Variants in NTRK3 observed in about 807,000 individuals in gnomAD.
NTRK3 encodes the protein neurotrophic receptor tyrosine kinase 3.
NTRK3 carries 24 observed loss-of-function variants against 91.7 expected under a neutral mutation model. The observed-to-expected ratio is 0.26, with a 90% CI of 0.19 to 0.37. The LOEUF (loss-of-function observed/expected upper bound fraction) is 0.37, where lower values mean the gene tolerates loss of function less well. Among genes scored for constraint, NTRK3 ranks in the 10% least tolerant of loss-of-function variants. The pLI is 1.00. For synonymous variants in NTRK3, 483 were observed against 404.0 expected (o/e 1.20, Z -2.34); for missense variants, 880 against 1,068.9 (o/e 0.82, Z 2.46).
intron 14 of NTRK3, among the ~76,000 whole-genome samples, chr15:87,989,513 G>A (rs186651268): frequency 2.6e-5 from 4 of 152,270 alleles, no homozygotes; most frequent in Admixed American, 2.6e-4. Flanking sequence ...TGGAGTTGGG[G>A]GAGGGGGAGG....
exon 5 of NTRK3, chr15:88,183,477 G>A (rs2151613619): frequency 1.2e-6 from 2 of 1,614,166 alleles, no homozygotes; most frequent in East Asian, 2.2e-5. Flanking sequence ...GAAGTCCTGA[G>A]TTCTTGATGG....
At chr15:88,218,958 G>A (rs1414652130) in intron 3 of NTRK3, among the ~76,000 whole-genome samples, 1 of 152,206 alleles carries the variant, frequency 6.6e-6, no homozygotes, top group Non-Finnish European at 1.5e-5. Context: ...GTACTGGAGG[G>A]GGCATGGCAT....
intron 5 of NTRK3, among the ~76,000 whole-genome samples, chr15:88,172,839 C>T (rs995665438): frequency 6.6e-6 from 1 of 152,046 alleles, no homozygotes; most frequent in African/African-American, 2.4e-5. Context: ...CACAAGCAGA[C>T]AAGAAAAAGG....
intron 13 of NTRK3, among the ~76,000 whole-genome samples, chr15:88,084,825 G>C (rs2048355985): frequency 6.6e-6 from 1 of 152,162 alleles, no homozygotes; most frequent in African/African-American, 2.4e-5. Flanking sequence ...AGCTGAGCAG[G>C]ACACACTGAG....
intron 5 of NTRK3, among the ~76,000 whole-genome samples, chr15:88,161,226 T>A (rs1241957870): frequency 6.6e-6 from 1 of 152,184 alleles, no homozygotes; most frequent in Non-Finnish European, 1.5e-5. Flanking sequence ...GCTACTATCA[T>A]CATTATCATC....
chr15:87,868,344 A>T lies in NTRK3; in HGVS notation c.*8591T>A, dbSNP rs187362005. 7.8e-4 allele frequency: 178 copies of T among 226,982 alleles called. 1 individual carries two copies. Among genetic ancestry groups the T allele is most frequent in the African/African-American group, 3.8e-3 (170 of 45,170 alleles). The allele number at this position is 226,982 out of a possible 1,614,324, so 14.1% of individuals were successfully genotyped here. A position where few individuals can be genotyped will look rare whatever the true frequency, so the allele number is the denominator to read the frequency against. ...TTTTTACCTTTTTCAGCCCAGAAAG[A>T]TATCTTTCCAATTCATAAACACAGT... is the stretch of plus-strand genomic sequence containing the variant. On this transcript the variant is annotated 3_prime_UTR_variant, in exon 19 of 19. Coordinates refer to ENST00000394480, the Ensembl canonical transcript of NTRK3.
chr15:88,201,263 C>A (rs2048282477), intron 3 of NTRK3, among the ~76,000 whole-genome samples: 1 of 152,242 alleles, frequency 6.6e-6, no homozygotes, highest in East Asian at 1.9e-4. Flanking sequence ...CCTGAGCCCA[C>A]CTATTGATAG....
At chr15:88,249,663 T>A (rs1598177310) in intron 3 of NTRK3, among the ~76,000 whole-genome samples, 1 of 152,242 alleles carries the variant, frequency 6.6e-6, no homozygotes, top group African/African-American at 2.4e-5. Context: ...CCTTGGGGGT[T>A]CTCAGGACTC....
intron 17 of NTRK3, among the ~76,000 whole-genome samples, chr15:87,919,252 A>G (rs2067676364): frequency 6.6e-6 from 1 of 152,182 alleles, no homozygotes; most frequent in South Asian, 2.1e-4. Context: ...CTACTCCTGC[A>G]TTCTAGTTCC....
chr15:87,910,437 G>A (rs2067019705), intron 17 of NTRK3, among the ~76,000 whole-genome samples: 1 of 152,196 alleles, frequency 6.6e-6, no homozygotes, highest in Non-Finnish European at 1.5e-5. Context: ...GATGCTAACG[G>A]TTGCTGAGGT....
At chr15:88,021,688 C>A (rs1032003962) in intron 14 of NTRK3, among the ~76,000 whole-genome samples, 1 of 152,114 alleles carries the variant, frequency 6.6e-6, no homozygotes, top group Non-Finnish European at 1.5e-5. Context: ...CAGTTGTACT[C>A]TTGGCTTCTT....
intron 17 of NTRK3, among the ~76,000 whole-genome samples, chr15:87,920,774 G>A (rs772266236): frequency 1.3e-5 from 2 of 152,104 alleles, no homozygotes; most frequent in Admixed American, 6.5e-5. Flanking sequence ...GGCTCCTAAG[G>A]GTGCATCGAG....
chr15:88,085,033 T>C (rs1390978428), intron 13 of NTRK3, among the ~76,000 whole-genome samples: 2 of 152,194 alleles, frequency 1.3e-5, no homozygotes, highest in Admixed American at 6.5e-5. Flanking sequence ...CATGAATTCT[T>C]AGGTTAACCA....
At position 88,237,734 on chromosome 15, in the gene NTRK3, T is replaced by A. The variant is rs141629998; in HGVS notation, c.248+18172A>T. ...CTTACATGACCGACTAAGCAGACAC[T>A]TTGGGCATTCGCAACAAGACACACC... On this transcript the variant is annotated intron_variant, in intron 3 of 18. Coordinates refer to ENST00000394480, the Ensembl canonical transcript of NTRK3. This position sits in a 1 kb window ranked among gnomAD's most constrained non-coding sequence, Gnocchi z 4.0. Among the ~76,000 whole-genome samples the A allele has an allele frequency of 2.9e-3, 439 of 152,142 alleles. No individual in the cohort carries two copies. Among genetic ancestry groups the A allele is most frequent in the African/African-American group, 1.0e-2 (413 of 41,486 alleles).
chr15:88,020,839 C>T (rs2077545728), intron 14 of NTRK3, among the ~76,000 whole-genome samples: 2 of 152,214 alleles, frequency 1.3e-5, no homozygotes, highest in Admixed American at 6.5e-5. Flanking sequence ...ATTCTCTCAG[C>T]CGCTAGACCC....
At chr15:88,171,520 C>A (rs901239051) in intron 5 of NTRK3, among the ~76,000 whole-genome samples, 2 of 152,170 alleles carry the variant, frequency 1.3e-5, no homozygotes, top group African/African-American at 2.4e-5. Context: ...GGCTTCTGAG[C>A]ACCCTTAATA....
intron 3 of NTRK3, among the ~76,000 whole-genome samples, chr15:88,227,094 C>A (rs1175791560): frequency 6.6e-6 from 1 of 152,162 alleles, no homozygotes; most frequent in Non-Finnish European, 1.5e-5. Flanking sequence ...CGATGGTGCC[C>A]CAGCCTTCCA....
chr15:88,030,755 C>T (rs1455809427), intron 14 of NTRK3, among the ~76,000 whole-genome samples: 1 of 150,374 alleles, frequency 6.7e-6, no homozygotes, highest in East Asian at 1.9e-4. Context: ...GAGATATCTG[C>T]CTTCTTCCTT....
chr15:87,865,561 C>T (rs74027277), exon 19 of NTRK3: 7,638 of 217,222 alleles, frequency 0.035, 557 homozygotes, highest in African/African-American at 0.15. Context: ...CTGGCATGAA[C>T]AGGGTACCAC....
Sources: allele counts gnomAD v4.1 joint callset (sites outside exome capture counted in the v4.1 genomes callset), GRCh38; gene constraint gnomAD v4.1.1; non-coding constraint Gnocchi (gnomAD v3.1); transcripts MANE v1.5; gene names NCBI Gene and HGNC (gene_info 2026-07-23, HGNC 2026-07-21).